The following COL4A3 variants were observed in gnomAD, a reference collection of about 807,000 sequenced individuals.
The protein encoded by COL4A3 is collagen type IV alpha 3 chain.
A neutral mutation model predicts 217.4 loss-of-function variants in COL4A3; 135 were observed. The ratio of observed to expected loss-of-function variants is 0.62; its 90% CI spans 0.54 to 0.72. The LOEUF is 0.72. Ranked by LOEUF, COL4A3 falls within the 30% of genes least tolerant of loss-of-function variation. The probability of loss-of-function intolerance (pLI) is 0.00; values close to 1 mark genes in which losing one functional copy is unlikely to be tolerated. For missense variants in COL4A3, 1,868 were observed against 2,119.9 expected, an observed-to-expected ratio of 0.88 and a Z score of 2.33; for synonymous variants, 690 against 736.3, an observed-to-expected ratio of 0.94 and a Z score of 1.02.
Position 227,266,460 on chromosome 2 carries a change from G to A in COL4A3, c.1359G>A (p.Leu453=). 6.2e-7 allele frequency: 1 copy of A among 1,614,094 alleles called. No homozygotes were observed. Among genetic ancestry groups the A allele is most frequent in the Non-Finnish European group, 8.5e-7 (1 of 1,179,990 alleles). ...AGGGTCCACCTGGAGATCACGGACT[G>A]CCAGGCTATCTAGGGTCTCCAGGAA... The part of the protein sequence containing the change: ...FRKGPPGDHG[L]PGYLGSPGIP... Residue 453 remains leucine (L), a synonymous_variant, in exon 22 of 52, where the codon CTG becomes CTA. Coordinates refer to ENST00000396578, the MANE Select transcript of COL4A3 (RefSeq NM_000091.5).
At chr2:227,260,051 C>A in intron 19 of COL4A3, 174 bp downstream of exon 19, 1 of 754,974 alleles carries the variant, frequency 1.3e-6, no homozygotes. Context: ...ATTTTTATTT[C>A]ATAGGTTGTA....
rs373407763 is a variant in COL4A3, at chr2:227,310,798, G to T, written c.4778G>T (p.Gly1593Val). Reference sequence around the variant, plus strand: ...TAGTTCACAAGTGCAGGTTCTGAGGGCACCGGGCAAGCACTGGCCTCCCCT... The same window carrying T: ...TAGTTCACAAGTGCAGGTTCTGAGGTCACCGGGCAAGCACTGGCCTCCCCT... The part of the protein sequence containing the change: ...FIMFTSAGSE[G>V]TGQALASPGS... The change falls in exon 51 of 52, where the codon GGC (glycine) becomes GTC (valine). Residue 1593 changes from glycine (G) to valine (V), a missense_variant. Transcript: ENST00000396578. 9.3e-6 allele frequency: 15 copies of T among 1,614,018 alleles called. No individual in the cohort carries two copies. The African/African-American group carries it at 1.7e-4, about 19-fold the overall frequency.
intron 1 of COL4A3, among the ~76,000 whole-genome samples, chr2:227,229,225 A>C (rs2125852073): frequency 6.6e-6 from 1 of 152,086 alleles, no homozygotes. Context: ...CACTCCTGGA[A>C]GGCTTGCTGC....
intron 4 of COL4A3, 86 bp from the exon 5 acceptor site, chr2:227,244,865 C>A: frequency 7.5e-7 from 1 of 1,339,640 alleles, no homozygotes; most frequent in Non-Finnish European, 1.1e-6. Context: ...AAGATTATCG[C>A]AATGGTAAAT....
At chr2:227,260,745 A>AC (rs2070504391) in intron 19 of COL4A3, among the ~76,000 whole-genome samples, 1 of 152,194 alleles carries the variant, frequency 6.6e-6, no homozygotes, top group Admixed American at 6.5e-5. Flanking sequence ...GAACACCAAG[A>AC]CAAACTGCTA....
intron 37 of COL4A3, among the ~76,000 whole-genome samples, chr2:227,291,313 T>C (rs868397188): frequency 2.6e-5 from 4 of 151,912 alleles, no homozygotes; most frequent in Admixed American, 6.6e-5. Flanking sequence ...CCTGTAATCC[T>C]AGCACTTTGG....
At chr2:227,238,384 C>CT (rs571470938) in intron 2 of COL4A3, among the ~76,000 whole-genome samples, 237 of 149,984 alleles carry the variant, frequency 1.6e-3, no homozygotes, top group African/African-American at 5.8e-3. Flanking sequence ...GATTCATTCA[C>CT]TTTGACAGAA....
intron 1 of COL4A3, among the ~76,000 whole-genome samples, chr2:227,174,880 G>T (rs776308996): frequency 6.6e-5 from 10 of 152,178 alleles, no homozygotes; most frequent in Non-Finnish European, 1.3e-4. Context: ...GCTGGGCTAG[G>T]TGCTGGGACT....
chr2:227,283,823 C>A lies in COL4A3; in HGVS notation c.2713C>A (p.Pro905Thr). 6.2e-7 allele frequency: 1 copy of A among 1,613,854 alleles called. No homozygotes were observed. The highest frequency in any genetic ancestry group is 1.6e-4 in the Middle Eastern group (1 of 6,062). Residue 905 changes from proline to threonine, a missense_variant, in exon 33 of 52, where the codon CCC becomes ACC. Physicochemically the swap from Pro to Thr is conservative, Grantham distance 38. This residue lies in a region of COL4A3 where 1,503 missense variants were observed against 1,786.1 expected (regional missense o/e 0.84). Transcript: ENST00000396578. ...TCCTGGAGCCATTGGCCCTCCAGGG[C>A]CCCCTGGGAACCCAGGCACACCAGG... is the stretch of plus-strand genomic sequence containing the variant. The part of the protein sequence containing the change: ...GFPGAIGPPG[P>T]PGNPGTPGQR...
At position 227,310,803 on chromosome 2, in the gene COL4A3, G is replaced by A. The variant is rs766208466; in HGVS notation, c.4783G>A (p.Gly1595Arg). 38 of 1,613,966 alleles carry A rather than the reference G, an allele frequency of 2.4e-5. No individual in the cohort carries two copies. The South Asian group carries it at 2.7e-4, about 12-fold the overall frequency. The change falls in exon 51 of 52, where the codon GGG (glycine) becomes AGG (arginine). Residue 1595 changes from glycine to arginine, a missense_variant. Physicochemically the swap from Gly to Arg is moderately radical, Grantham distance 125. Coordinates refer to ENST00000396578, the MANE Select transcript of COL4A3 (RefSeq NM_000091.5). ...MFTSAGSEGTGQALASPGSCL... is the reference protein window; with the variant it reads ...MFTSAGSEGTRQALASPGSCL... ...CACAAGTGCAGGTTCTGAGGGCACC[G>A]GGCAAGCACTGGCCTCCCCTGGCTC...
rs1224292796 is a variant in COL4A3, at chr2:227,279,844, T to C, written c.2177T>C (p.Met726Thr). 2 of 1,610,154 alleles carry C rather than the reference T, an allele frequency of 1.2e-6. No individual in the cohort carries two copies. Among genetic ancestry groups the C allele is most frequent in the East Asian group, 2.2e-5 (1 of 44,852 alleles). Residue 726 changes from methionine (M) to threonine (T), a missense_variant, in exon 29 of 52, where the codon ATG becomes ACG. Met to Thr is a moderately conservative substitution (Grantham distance 81). This residue lies in a region of COL4A3 where 1,503 missense variants were observed against 1,786.1 expected (regional missense o/e 0.84). Coordinates refer to ENST00000396578, the MANE Select transcript of COL4A3 (RefSeq NM_000091.5). ...TKGSLGCPGK[M>T]GEPGLPGKPG... Reference sequence around the variant, plus strand: ...GGATCACTGGGTTGTCCTGGAAAAATGGGAGAGCCTGGGTTACCTGGAAAG... The same window carrying C: ...GGATCACTGGGTTGTCCTGGAAAAACGGGAGAGCCTGGGTTACCTGGAAAG...
rs1274124859 is a variant in COL4A3, at chr2:227,250,349, T to C, written c.547-791T>C. ...AGATAGATAAAAGATGATAGATAGA[T>C]AGATAGATAGATAGATAGATAGATA... On this transcript the variant is annotated intron_variant, in intron 9 of 51. Coordinates refer to ENST00000396578, the MANE Select transcript of COL4A3 (RefSeq NM_000091.5). This position sits in a 1 kb window ranked among gnomAD's most constrained non-coding sequence, Gnocchi z 4.1. Among the ~76,000 whole-genome samples the C allele has an allele frequency of 7.5e-6, 1 of 132,900 alleles. No homozygotes were observed. The highest frequency in any genetic ancestry group is 1.6e-5 in the Non-Finnish European group (1 of 60,854). 87.2% of individuals were successfully genotyped at this position (132,900 alleles called of 152,430 possible). A position where few individuals can be genotyped will look rare whatever the true frequency, so the allele number is the denominator to read the frequency against.
chr2:227,276,315 G>A (rs974064704), intron 26 of COL4A3, 70 bp from the exon 27 acceptor site: 34 of 1,131,078 alleles, frequency 3.0e-5, no homozygotes, highest in Admixed American at 1.7e-4. Context: ...CTTTATAATC[G>A]TATTTTCCGC....
chr2:227,222,297 C>G (rs1004047911), intron 1 of COL4A3: 1 of 152,156 alleles, frequency 6.6e-6, no homozygotes, highest in Non-Finnish European at 1.5e-5. Flanking sequence ...TTTTCTGGCA[C>G]TGTTTCTGTT....
At position 227,310,845 on chromosome 2, in the gene COL4A3, C is replaced by A. The variant is rs756231749; in HGVS notation, c.4825C>A (p.Arg1609=). The A allele has an allele frequency of 9.7e-5, 157 of 1,614,014 alleles. No homozygotes were observed. Among genetic ancestry groups the A allele is most frequent in the Non-Finnish European group, 2.5e-5 (30 of 1,180,016 alleles). The part of the protein sequence containing the change: ...ASPGSCLEEF[R]ASPFLECHGR... ...CCCTGGCTCCTGCCTGGAAGAATTC[C>A]GAGCCAGCCCATTTCTAGAATGTCA... is the stretch of plus-strand genomic sequence containing the variant. Residue 1609 remains arginine (R), a synonymous_variant, in exon 51 of 52, where the codon CGA becomes AGA. Coordinates refer to ENST00000396578, the MANE Select transcript of COL4A3 (RefSeq NM_000091.5).
chr2:227,252,893 A>G (rs1305756648), intron 11 of COL4A3, among the ~76,000 whole-genome samples: 2 of 152,194 alleles, frequency 1.3e-5, no homozygotes, highest in Admixed American at 1.3e-4. Flanking sequence ...ATTCTCTATT[A>G]AGTATTGAAT....
At chr2:227,205,899 T>G (rs980003487) in intron 1 of COL4A3, among the ~76,000 whole-genome samples, 1 of 152,216 alleles carries the variant, frequency 6.6e-6, no homozygotes, top group Non-Finnish European at 1.5e-5. Flanking sequence ...GGCAAGTTGA[T>G]GCATTGTATC....
chr2:227,247,125 A>G (rs2069397480), intron 7 of COL4A3, among the ~76,000 whole-genome samples: 1 of 152,220 alleles, frequency 6.6e-6, no homozygotes, highest in Non-Finnish European at 1.5e-5. Context: ...GGTGGGAGAA[A>G]GAAAACCAGC....
intron 23 of COL4A3, among the ~76,000 whole-genome samples, chr2:227,269,302 G>A (rs190214578): frequency 8.5e-5 from 13 of 152,272 alleles, no homozygotes; most frequent in Admixed American, 2.6e-4. Context: ...TAAATACCCA[G>A]AGACATTTTT....
Sources: allele counts gnomAD v4.1 joint callset (sites outside exome capture counted in the v4.1 genomes callset), GRCh38; gene constraint gnomAD v4.1.1; regional missense constraint gnomAD v4.1.1; non-coding constraint Gnocchi (gnomAD v3.1); transcripts MANE v1.5; gene names NCBI Gene and HGNC (gene_info 2026-07-23, HGNC 2026-07-21).